PALS1: variants seen among roughly 807,000 people sequenced by gnomAD.
PALS1 encodes the protein protein associated with LIN7 1, MAGUK p55 family member.
PALS1 carries 31 observed loss-of-function variants against 78.9 expected under a neutral mutation model. That is an observed-to-expected ratio of 0.39 (90% CI 0.30 to 0.53). The LOEUF (loss-of-function observed/expected upper bound fraction) is 0.53. Among genes scored for constraint, PALS1 ranks in the 20% least tolerant of loss-of-function variants. PALS1 has a pLI of 0.67. For missense variants in PALS1, 704 were observed against 826.5 expected (o/e 0.85, Z 1.82); for synonymous variants, 276 against 270.9 (o/e 1.02, Z -0.18).
Position 67,300,123 on chromosome 14 carries a change from T to C in PALS1, c.577-1266T>C, listed in dbSNP as rs1257212803. ...TGCTGTGCCGTCCTGTTTATACATA[T>C]GGAACTCTACAATTAGAAATATAAT... is the stretch of plus-strand genomic sequence containing the variant. On this transcript the variant is annotated intron_variant, in intron 4 of 14. Coordinates refer to ENST00000261681, the MANE Select transcript of PALS1 (RefSeq NM_022474.4). 5.3e-5 allele frequency among the ~76,000 whole-genome samples: 8 copies of C among 152,270 alleles called. No individual in the cohort carries two copies. The East Asian group carries it at 1.3e-3, about 26-fold the overall frequency.
Position 67,334,010 on chromosome 14 carries a change from G to A in PALS1, c.*1054G>A, listed in dbSNP as rs2085490606. The A allele has an allele frequency of 6.6e-6, 1 of 152,508 alleles. No individual in the cohort carries two copies. Among genetic ancestry groups the A allele is most frequent in the Admixed American group, 6.6e-5 (1 of 15,254 alleles). The allele number at this position is 152,508 out of a possible 1,614,324, so 9.4% of individuals were successfully genotyped here. On this transcript the variant is annotated 3_prime_UTR_variant, in exon 15 of 15. Transcript: ENST00000261681. ...TTAATATTTAATAGATCAACAAATG[G>A]TCATTGAAAACACTTGTTTAGCATT...
intron 1 of PALS1, among the ~76,000 whole-genome samples, chr14:67,253,844 G>GA (rs78503151): frequency 0.013 from 1,494 of 116,356 alleles, 24 homozygotes; most frequent in African/African-American, 0.043. Flanking sequence ...GTCTCAAAAA[G>GA]AAAAAAAAAA....
chr14:67,299,860 T>C (rs1228713122), intron 4 of PALS1, among the ~76,000 whole-genome samples: 1 of 152,216 alleles, frequency 6.6e-6, no homozygotes, highest in Non-Finnish European at 1.5e-5. Context: ...ATACCCTTGG[T>C]ACATTTTTAA....
chr14:67,266,347 G>A (rs1374509594), intron 1 of PALS1, among the ~76,000 whole-genome samples: 2 of 149,844 alleles, frequency 1.3e-5, no homozygotes, highest in Non-Finnish European at 3.0e-5. Flanking sequence ...ATTTTTTTTT[G>A]AGGAGTCTCA....
At chr14:67,324,806 A>G (rs1429697026) in intron 14 of PALS1, among the ~76,000 whole-genome samples, 2 of 150,902 alleles carry the variant, frequency 1.3e-5, no homozygotes, top group East Asian at 3.9e-4. Context: ...GTTGGTATTG[A>G]ACTCCTGGCC....
At chr14:67,304,802 G>T (rs1232908185) in intron 8 of PALS1, among the ~76,000 whole-genome samples, 1 of 146,798 alleles carries the variant, frequency 6.8e-6, no homozygotes, top group Non-Finnish European at 1.5e-5. Context: ...TATCAATAAA[G>T]CTATTTAAAA....
At chr14:67,295,424 A>T (rs2084833610) in intron 4 of PALS1, among the ~76,000 whole-genome samples, 1 of 151,146 alleles carries the variant, frequency 6.6e-6, no homozygotes, top group Non-Finnish European at 1.5e-5. Context: ...CGGGAGGCAA[A>T]GGTTGCAGTG....
chr14:67,280,880 CCTTTTCTTTCTT>C (rs2084599077), intron 3 of PALS1, among the ~76,000 whole-genome samples: 1 of 134,072 alleles, frequency 7.5e-6, no homozygotes, highest in African/African-American at 2.8e-5. Flanking sequence ...TCCCTCCCTC[CCTTTTCTTTCTT>C]TTCTTTCTTT....
At chr14:67,285,366 A>ATT (rs767382946) in intron 3 of PALS1, among the ~76,000 whole-genome samples, 2,572 of 137,846 alleles carry the variant, frequency 0.019, 37 homozygotes, top group Non-Finnish European at 0.027. Flanking sequence ...CCTTAGGTAA[A>ATT]TTTTTTTTTT....
At chr14:67,271,132 A>G (rs935104684) in intron 2 of PALS1, 2 of 152,242 alleles carry the variant, frequency 1.3e-5, no homozygotes, top group Non-Finnish European at 2.9e-5. Context: ...ATACTTAATT[A>G]AGCAAACACT....
intron 1 of PALS1, among the ~76,000 whole-genome samples, chr14:67,254,939 A>G (rs2084122381): frequency 6.6e-6 from 1 of 152,216 alleles, no homozygotes; most frequent in African/African-American, 2.4e-5. Flanking sequence ...TCACGAGGTC[A>G]AGAGATTGAG....
At chr14:67,312,479 C>A in intron 8 of PALS1, 48 bp from the exon 9 acceptor site, 5 of 1,334,934 alleles carry the variant, frequency 3.7e-6, no homozygotes, top group South Asian at 2.0e-5. Flanking sequence ...TCATATGAAA[C>A]ATTTTATATT....
intron 1 of PALS1, among the ~76,000 whole-genome samples, 170 bp from the exon 2 acceptor site, chr14:67,269,531 A>C (rs886652472): frequency 3.3e-5 from 5 of 152,196 alleles, no homozygotes; most frequent in African/African-American, 1.2e-4. Context: ...ATTGATGTCC[A>C]TTAGATACAG....
intron 3 of PALS1, among the ~76,000 whole-genome samples, chr14:67,282,666 A>C (rs939946523): frequency 6.6e-6 from 1 of 152,154 alleles, no homozygotes; most frequent in Non-Finnish European, 1.5e-5. Flanking sequence ...CTAGATTTCA[A>C]ATGAATAATT....
chr14:67,322,929 G>A (rs10138932), intron 13 of PALS1, among the ~76,000 whole-genome samples: 23,542 of 151,946 alleles, frequency 0.15, 3,442 homozygotes, highest in East Asian at 0.42. Context: ...ACTTTTTCTT[G>A]GATGTGCTTT....
chr14:67,288,165 C>T (rs559114803), intron 3 of PALS1, among the ~76,000 whole-genome samples: 13 of 152,208 alleles, frequency 8.5e-5, no homozygotes, highest in East Asian at 7.7e-4. Context: ...CTGCAACTTC[C>T]GCCTCCGAGG....
intron 3 of PALS1, among the ~76,000 whole-genome samples, chr14:67,284,654 T>C (rs895308743): frequency 2.0e-5 from 3 of 149,700 alleles, no homozygotes; most frequent in Non-Finnish European, 3.0e-5. Context: ...CTCCCTATTC[T>C]GTCCACCACC....
chr14:67,326,221 ATTTTTTTTTTTTTTTTTTT>A lies in PALS1; in HGVS notation c.1851+2429_1851+2447del, dbSNP rs760127048. ...ATCCTAAAATTTCAATTTAGGTCTG[ATTTTTTTTTTTTTTTTTTT>A]TTTTTTTTTTTTTTTTTTTGAGAGG... On this transcript the variant is annotated intron_variant, in intron 14 of 14. Transcript: ENST00000261681. 4.5e-3 allele frequency among the ~76,000 whole-genome samples: 58 copies of A among 12,912 alleles called. 1 individual carries two copies. The highest frequency in any genetic ancestry group is 0.013 in the African/African-American group (43 of 3,388). The allele number at this position is 12,912 out of a possible 152,430, so 8.5% of individuals were successfully genotyped here. A position where few individuals can be genotyped will look rare whatever the true frequency, so the allele number is the denominator to read the frequency against.
At chr14:67,295,839 C>T (rs1230726853) in intron 4 of PALS1, among the ~76,000 whole-genome samples, 1 of 151,832 alleles carries the variant, frequency 6.6e-6, no homozygotes, top group Non-Finnish European at 1.5e-5. Context: ...ATACTGTGAC[C>T]CAGCAATTTC....
Sources: allele counts gnomAD v4.1 joint callset (sites outside exome capture counted in the v4.1 genomes callset), GRCh38; gene constraint gnomAD v4.1.1; transcripts MANE v1.5; gene names NCBI Gene and HGNC (gene_info 2026-07-23, HGNC 2026-07-21).